SRPX2: variants seen among roughly 807,000 people sequenced by gnomAD.
The protein encoded by SRPX2 is sushi repeat containing protein X-linked 2, also known as sushi repeat-containing protein SRPX2.
In SRPX2, 26 loss-of-function variants were observed where a neutral mutation model predicts 45.3. The ratio of observed to expected loss-of-function variants is 0.57; its 90% confidence interval spans 0.42 to 0.80. The LOEUF (loss-of-function observed/expected upper bound fraction) is 0.80. Among genes scored for constraint, SRPX2 ranks in the 30% least tolerant of loss-of-function variants. The pLI is 0.00. For synonymous variants in SRPX2, 125 were observed against 143.7 expected, an observed-to-expected ratio of 0.87 and a Z score of 0.93; for missense variants, 355 against 399.8, an observed-to-expected ratio of 0.89 and a Z score of 0.95.
chrX:100,662,517 C>T, intron 4 of SRPX2, 150 bp downstream of exon 4: 11 of 653,014 alleles, frequency 1.7e-5, no homozygotes, highest in Non-Finnish European at 2.6e-5. Context: ...CAGGGCCTTT[C>T]CCCATTCTAA....
At chrX:100,664,326 A>G (rs1404243115) in intron 4 of SRPX2, among the ~76,000 whole-genome samples, 1 of 110,586 alleles carries the variant, frequency 9.0e-6, no homozygotes, top group Non-Finnish European at 1.9e-5. Flanking sequence ...AAAGATACAG[A>G]TATTTCCCAT....
At chrX:100,648,647 C>T (rs1358097101) in intron 2 of SRPX2, among the ~76,000 whole-genome samples, 1 of 112,503 alleles carries the variant, frequency 8.9e-6, no homozygotes, top group Non-Finnish European at 1.9e-5. Context: ...CCACACAAAG[C>T]ATAGTTGGCA....
Position 100,650,844 on chromosome X carries a change from G to A in SRPX2, c.142G>A (p.Ala48Thr). 8.3e-7 allele frequency: 1 copy of A among 1,210,115 alleles called. No individual in the cohort carries two copies. Among genetic ancestry groups the A allele is most frequent in the East Asian group, 3.0e-5 (1 of 33,815 alleles). The change falls in exon 3 of 11, where the codon GCT becomes ACT. Residue 48 changes from alanine to threonine, a missense_variant. Ala to Thr is a moderately conservative substitution (Grantham distance 58). Coordinates refer to ENST00000373004, the MANE Select transcript of SRPX2 (RefSeq NM_014467.3). ...AGTATATGCAGAGGAGGTCCCACAG[G>A]CTCCTGCCCTGGACTACCGAGGTAA... Reference protein sequence around the residue: ...NEVYAEEVPQAPALDYRVPRW... With the variant: ...NEVYAEEVPQTPALDYRVPRW...
intron 3 of SRPX2, among the ~76,000 whole-genome samples, chrX:100,656,696 C>G (rs2083170185): frequency 8.9e-6 from 1 of 112,266 alleles, no homozygotes; most frequent in Non-Finnish European, 1.9e-5. Flanking sequence ...ATATGTACCA[C>G]ATTTTATTTA....
At chrX:100,663,534 T>C (rs894406568) in intron 4 of SRPX2, among the ~76,000 whole-genome samples, 8 of 112,399 alleles carry the variant, frequency 7.1e-5, no homozygotes, top group Middle Eastern at 4.6e-3. Flanking sequence ...AAGGTCATTT[T>C]TGCATAGGTC....
chrX:100,646,097 A>G (rs932660112), intron 1 of SRPX2, 96 bp from the exon 2 acceptor site: 38 of 416,063 alleles, frequency 9.1e-5, no homozygotes, highest in South Asian at 5.2e-4. Flanking sequence ...ATAAATAACA[A>G]ACAGAGTCTT....
chrX:100,645,627 G>A (rs917668036), intron 1 of SRPX2, among the ~76,000 whole-genome samples: 2 of 112,042 alleles, frequency 1.8e-5, no homozygotes, highest in African/African-American at 6.5e-5. Context: ...TACAAAGTTG[G>A]TAATAATATT....
rs966645357 is a variant in SRPX2, at chrX:100,671,952, C to T, written c.*965C>T. 8.9e-6 allele frequency: 1 copy of T among 112,151 alleles called. No homozygotes were observed. The highest frequency in any genetic ancestry group is 3.2e-5 in the African/African-American group (1 of 30,812). The allele number at this position is 112,151 out of a possible 1,213,427, so 9.2% of individuals were successfully genotyped here. Reference sequence around the variant, plus strand: ...GGCCTCCCGTTTCTGTAGCAGAAGGCAAACGATTCTCTCCCTTCCTCAGAG... The same window carrying T: ...GGCCTCCCGTTTCTGTAGCAGAAGGTAAACGATTCTCTCCCTTCCTCAGAG... On this transcript the variant is annotated 3_prime_UTR_variant, in exon 11 of 11. Coordinates refer to ENST00000373004, the MANE Select transcript of SRPX2 (RefSeq NM_014467.3).
intron 3 of SRPX2, among the ~76,000 whole-genome samples, chrX:100,661,470 T>A (rs1347827480): frequency 8.9e-6 from 1 of 112,878 alleles, no homozygotes; most frequent in Admixed American, 9.4e-5. Context: ...TTAATTTATT[T>A]ATTAAAATTT....
At chrX:100,644,840 G>A (rs2083130753) in intron 1 of SRPX2, among the ~76,000 whole-genome samples, 2 of 111,407 alleles carry the variant, frequency 1.8e-5, no homozygotes, top group African/African-American at 3.3e-5. Flanking sequence ...GCTCCAGAAC[G>A]AAGGAACTGG....
intron 1 of SRPX2, among the ~76,000 whole-genome samples, 197 bp downstream of exon 1, chrX:100,644,712 C>T (rs900783210): frequency 1.8e-5 from 2 of 111,158 alleles, no homozygotes; most frequent in South Asian, 3.9e-4. Flanking sequence ...AACTTCTCAG[C>T]CCACAGCAGA....
intron 3 of SRPX2, chrX:100,651,195 G>C (rs1306256173): frequency 8.0e-6 from 2 of 250,852 alleles, no homozygotes; most frequent in East Asian, 7.8e-5. Context: ...TGGGGGTGAT[G>C]GGGGGGTATA....
chrX:100,658,741 A>G (rs1354814397), intron 3 of SRPX2, among the ~76,000 whole-genome samples: 1 of 112,288 alleles, frequency 8.9e-6, no homozygotes, highest in Non-Finnish European at 1.9e-5. Context: ...TGATCCATGA[A>G]CACGGGATAT....
chrX:100,662,853 C>T (rs992604654), intron 4 of SRPX2, among the ~76,000 whole-genome samples: 3 of 112,280 alleles, frequency 2.7e-5, no homozygotes, highest in Non-Finnish European at 3.8e-5. Context: ...TGCTGATATA[C>T]ACACATTCCA....
chrX:100,665,502 T>C lies in SRPX2; in HGVS notation c.660-34T>C, dbSNP rs1299507419. On this transcript the variant is annotated intron_variant, in intron 6 of 10. Transcript: ENST00000373004. ...TCAGACTTCAATTCTAAGGGTCTCT[T>C]TCCTCAGTGTTTATTTCACCCTGTC... is the stretch of plus-strand genomic sequence containing the variant. 3 of 1,209,650 alleles carry C rather than the reference T, an allele frequency of 2.5e-6. No individual in the cohort carries two copies. In the East Asian group the frequency reaches 8.9e-5, roughly 36 times the overall value.
rs1023434929 is a variant in SRPX2, at chrX:100,671,769, C to T, written c.*782C>T. On this transcript the variant is annotated 3_prime_UTR_variant, in exon 11 of 11. Transcript: ENST00000373004. ...ATTCTTGAACTTGTTTGTCATTTCC[C>T]CTTCTAGGGCACTGGGCAGCAAATG... 8.9e-6 allele frequency: 1 copy of T among 112,834 alleles called. No homozygotes were observed. Among genetic ancestry groups the T allele is most frequent in the African/African-American group, 3.2e-5 (1 of 30,926 alleles). 9.3% of individuals were successfully genotyped at this position (112,834 alleles called of 1,213,427 possible). A position where few individuals can be genotyped will look rare whatever the true frequency, so the allele number is the denominator to read the frequency against.
intron 4 of SRPX2, among the ~76,000 whole-genome samples, chrX:100,663,969 G>A (rs1395156994): frequency 8.9e-6 from 1 of 112,081 alleles, no homozygotes; most frequent in Non-Finnish European, 1.9e-5. Flanking sequence ...TATGCCTGGA[G>A]GAGAAAAGAA....
chrX:100,645,646 T>C (rs972002660), intron 1 of SRPX2, among the ~76,000 whole-genome samples: 1 of 112,200 alleles, frequency 8.9e-6, no homozygotes, highest in Non-Finnish European at 1.9e-5. Context: ...TTGTCTAATA[T>C]ATAAATTACT....
chrX:100,648,222 T>C (rs2083141278), intron 2 of SRPX2, among the ~76,000 whole-genome samples: 1 of 112,651 alleles, frequency 8.9e-6, no homozygotes, highest in Admixed American at 9.4e-5. Flanking sequence ...TGTTCTGGCA[T>C]ATCTGTGCAG....
Sources: allele counts gnomAD v4.1 joint callset (sites outside exome capture counted in the v4.1 genomes callset), GRCh38; gene constraint gnomAD v4.1.1; transcripts MANE v1.5; gene names NCBI Gene and HGNC (gene_info 2026-07-23, HGNC 2026-07-21).